The following AKAP12 variants were observed in gnomAD, a reference collection of about 807,000 sequenced individuals.
AKAP12 encodes the protein A-kinase anchor protein 12.
In AKAP12, 32 loss-of-function variants were observed where a neutral mutation model predicts 79.9. That is an observed-to-expected ratio of 0.40 (90% CI 0.30 to 0.54). AKAP12 has a LOEUF of 0.54. Among genes scored for constraint, AKAP12 ranks in the 20% least tolerant of loss-of-function variants. The pLI is 0.48. For missense variants in AKAP12, 2,074 were observed against 2,177.0 expected, an observed-to-expected ratio of 0.95 and a Z score of 0.94; for synonymous variants, 808 against 857.0, an observed-to-expected ratio of 0.94 and a Z score of 1.00.
intron 3 of AKAP12, among the ~76,000 whole-genome samples, chr6:151,342,502 A>G (rs1307817161): frequency 1.3e-5 from 2 of 152,180 alleles, no homozygotes; most frequent in Non-Finnish European, 2.9e-5. Context: ...GGTACCTTGT[A>G]TGGAGTGAGT....
At chr6:151,354,640 G>A (rs1056732211) in intron 4 of AKAP12, among the ~76,000 whole-genome samples, 1 of 152,030 alleles carries the variant, frequency 6.6e-6, no homozygotes, top group African/African-American at 2.4e-5. Flanking sequence ...CCAAAGTGCT[G>A]GGATTACAGG....
chr6:151,261,536 C>A (rs1198303244), intron 2 of AKAP12, among the ~76,000 whole-genome samples: 2 of 151,484 alleles, frequency 1.3e-5, no homozygotes, highest in African/African-American at 4.8e-5. Context: ...CAAACCCCGT[C>A]TTTAAAATAC....
chr6:151,348,174 C>A (rs527819091), intron 3 of AKAP12, among the ~76,000 whole-genome samples: 1 of 149,786 alleles, frequency 6.7e-6, no homozygotes, highest in African/African-American at 2.5e-5. Context: ...ACAAAAAAAA[C>A]AAATTAGCTG....
chr6:151,294,356 A>G (rs1055853554), intron 2 of AKAP12, among the ~76,000 whole-genome samples: 1 of 151,942 alleles, frequency 6.6e-6, no homozygotes, highest in Non-Finnish European at 1.5e-5. Flanking sequence ...GGAGGTGCAC[A>G]TTTCTTGATA....
intron 3 of AKAP12, among the ~76,000 whole-genome samples, chr6:151,341,298 C>T (rs1271580049): frequency 6.6e-6 from 1 of 152,206 alleles, no homozygotes; most frequent in Non-Finnish European, 1.5e-5. Flanking sequence ...AGGTGATCCG[C>T]CCGCTTTGGC....
chr6:151,338,163 T>A (rs998698659), intron 3 of AKAP12, among the ~76,000 whole-genome samples: 2 of 152,224 alleles, frequency 1.3e-5, no homozygotes, highest in Non-Finnish European at 2.9e-5. Flanking sequence ...TTATTGACAG[T>A]TATCAATATC....
At chr6:151,317,106 G>A (rs1199772845) in intron 3 of AKAP12, among the ~76,000 whole-genome samples, 7 of 152,052 alleles carry the variant, frequency 4.6e-5, no homozygotes, top group South Asian at 2.1e-4. Context: ...GCCTCCATGA[G>A]TGATCCACTG....
Position 151,269,754 on chromosome 6 carries a change from T to G in AKAP12, c.162+29030T>G, listed in dbSNP as rs372527336. Among the ~76,000 whole-genome samples the G allele has an allele frequency of 3.9e-5, 6 of 152,210 alleles. No individual in the cohort carries two copies. In the East Asian group the frequency reaches 5.8e-4, roughly 15 times the overall value. On this transcript the variant is annotated intron_variant, in intron 2 of 4. Coordinates refer to ENST00000402676, the MANE Select transcript of AKAP12 (RefSeq NM_005100.4). ...AGATAATAATTCACGTACTGTACAA[T>G]TCACCATTTAAAGAGTACAACTCAG... is the stretch of plus-strand genomic sequence containing the variant.
chr6:151,351,606 C>A lies in AKAP12; in HGVS notation c.3215C>A (p.Ala1072Glu). Residue 1072 changes from alanine to glutamate, a missense_variant, in exon 4 of 5, where the codon GCA becomes GAA. Around this residue, in one of 3 missense-constraint regions of AKAP12, gnomAD observed 1,428 missense variants for 1,451.0 expected, o/e 0.98. Coordinates refer to ENST00000402676, the MANE Select transcript of AKAP12 (RefSeq NM_005100.4). This position sits in a 1 kb window ranked among gnomAD's most constrained non-coding sequence, Gnocchi z 4.4. ...PEDVLQPVQR[A>E]EAERPEEQAE... ...GATGTGCTTCAGCCTGTGCAGAGAG[C>A]AGAGGCAGAAAGACCAGAAGAGCAG... The A allele has an allele frequency of 6.2e-7, 1 of 1,614,118 alleles. No homozygotes were observed. The highest frequency in any genetic ancestry group is 1.6e-4 in the Middle Eastern group (1 of 6,062).
At chr6:151,275,934 C>A (rs1304645805) in intron 2 of AKAP12, among the ~76,000 whole-genome samples, 1 of 152,178 alleles carries the variant, frequency 6.6e-6, no homozygotes, top group African/African-American at 2.4e-5. Context: ...TCTGGACATC[C>A]AGACTGGTTC....
chr6:151,296,653 T>C lies in AKAP12; in HGVS notation c.163-9094T>C, dbSNP rs1240779224. 6.6e-5 allele frequency among the ~76,000 whole-genome samples: 10 copies of C among 152,296 alleles called. No homozygotes were observed. The East Asian group carries it at 1.9e-3, about 29-fold the overall frequency. Reference sequence around the variant, plus strand: ...TTAGCCGAGTGTGGTGGCACATGCCTGTAATCCCAGCTACTCAGGAGGCTG... The same window carrying C: ...TTAGCCGAGTGTGGTGGCACATGCCCGTAATCCCAGCTACTCAGGAGGCTG... On this transcript the variant is annotated intron_variant, in intron 2 of 4. Transcript: ENST00000402676.
At chr6:151,241,884 C>G (rs1796983704) in intron 2 of AKAP12, among the ~76,000 whole-genome samples, 1 of 150,532 alleles carries the variant, frequency 6.6e-6, no homozygotes, top group Non-Finnish European at 1.5e-5. Flanking sequence ...ACCTCCTTAG[C>G]TGCCCTAGTC....
At chr6:151,326,962 A>G (rs2114787687) in intron 3 of AKAP12, among the ~76,000 whole-genome samples, 1 of 152,066 alleles carries the variant, frequency 6.6e-6, no homozygotes, top group East Asian at 1.9e-4. Context: ...GGTTACAGGC[A>G]CGTGCCACCA....
At chr6:151,311,600 C>T (rs1374990333) in intron 3 of AKAP12, among the ~76,000 whole-genome samples, 7 of 152,106 alleles carry the variant, frequency 4.6e-5, no homozygotes, top group South Asian at 2.1e-4. Context: ...TATTTCTTAA[C>T]GTTTTACAGG....
At chr6:151,241,125 G>C (rs558788857) in intron 2 of AKAP12, among the ~76,000 whole-genome samples, 1 of 152,352 alleles carries the variant, frequency 6.6e-6, no homozygotes, top group African/African-American at 2.4e-5. Context: ...GGAGCTCCGA[G>C]ATGCGGAAAG....
chr6:151,276,764 T>C (rs749872091), intron 2 of AKAP12, among the ~76,000 whole-genome samples: 1 of 152,262 alleles, frequency 6.6e-6, no homozygotes, highest in Non-Finnish European at 1.5e-5. Flanking sequence ...AGTCACTGAT[T>C]GTGCTTTATC....
At chr6:151,262,557 T>C (rs954797084) in intron 2 of AKAP12, among the ~76,000 whole-genome samples, 1 of 151,932 alleles carries the variant, frequency 6.6e-6, no homozygotes, top group Admixed American at 6.6e-5. Flanking sequence ...GAATTCTGTC[T>C]GCATCAGAAA....
At chr6:151,251,737 C>G (rs995574431) in intron 2 of AKAP12, among the ~76,000 whole-genome samples, 5 of 152,212 alleles carry the variant, frequency 3.3e-5, no homozygotes, top group Admixed American at 2.6e-4. Context: ...TGGCGCACGC[C>G]TGTAATCCCA....
At chr6:151,250,269 A>G (rs1797148534) in intron 2 of AKAP12, among the ~76,000 whole-genome samples, 1 of 151,946 alleles carries the variant, frequency 6.6e-6, no homozygotes, top group Non-Finnish European at 1.5e-5. Context: ...AGGCTGAGGC[A>G]GGTGGATCAT....
Sources: gnomAD v4.1 joint callset for allele counts (sites outside exome capture counted in the v4.1 genomes callset) on GRCh38, gnomAD v4.1.1 for gene constraint, gnomAD v4.1.1 regional missense constraint, Gnocchi (gnomAD v3.1) non-coding constraint, MANE v1.5 for transcripts, NCBI Gene and HGNC (gene_info 2026-07-23, HGNC 2026-07-21) for gene names.